GPC6: variants seen among roughly 807,000 people sequenced by gnomAD.
GPC6 encodes the protein glypican-6.
A neutral mutation model predicts 55.2 loss-of-function variants in GPC6; 14 were observed. The observed-to-expected ratio is 0.25, with a 90% CI of 0.17 to 0.40. GPC6 has a LOEUF of 0.40. GPC6 is among the 10% of genes least tolerant of loss of function. GPC6 has a pLI of 1.00. For synonymous variants in GPC6, 278 were observed against 259.6 expected (o/e 1.07, Z -0.68); for missense variants, 641 against 708.5 (o/e 0.90, Z 1.08).
intron 4 of GPC6, among the ~76,000 whole-genome samples, chr13:94,057,581 A>G (rs1170429244): frequency 6.6e-6 from 1 of 152,220 alleles, no homozygotes. Flanking sequence ...GTTCTCCATT[A>G]TTGGGAAATA....
chr13:93,778,420 T>C (rs1885534842), intron 2 of GPC6, among the ~76,000 whole-genome samples: 1 of 152,134 alleles, frequency 6.6e-6, no homozygotes, highest in African/African-American at 2.4e-5. Flanking sequence ...GCAAATACAC[T>C]CACTAACTTG....
At chr13:93,776,548 G>T (rs1332130746) in intron 2 of GPC6, among the ~76,000 whole-genome samples, 1 of 151,642 alleles carries the variant, frequency 6.6e-6, no homozygotes, top group Non-Finnish European at 1.5e-5. Context: ...ATATGATCCG[G>T]ATCCATCAAT....
chr13:93,789,645 A>ATATG (rs1885964010), intron 2 of GPC6, among the ~76,000 whole-genome samples: 1 of 103,508 alleles, frequency 9.7e-6, no homozygotes, highest in East Asian at 3.0e-4. Flanking sequence ...ATATATATAT[A>ATATG]GTATTCGGTT....
intron 4 of GPC6, among the ~76,000 whole-genome samples, chr13:94,033,852 CTACTT>C (rs1304067462): frequency 2.0e-5 from 3 of 152,126 alleles, no homozygotes; most frequent in African/African-American, 7.2e-5. Flanking sequence ...TTCTTCATCT[CTACTT>C]TATGTAATAC....
At chr13:93,461,598 T>C (rs893770251) in intron 1 of GPC6, among the ~76,000 whole-genome samples, 3 of 129,270 alleles carry the variant, frequency 2.3e-5, no homozygotes, top group African/African-American at 6.0e-5. Context: ...TTCTAAATCA[T>C]AGGAAATCTA....
intron 3 of GPC6, among the ~76,000 whole-genome samples, chr13:94,006,483 T>C (rs1239202316): frequency 6.6e-6 from 1 of 152,168 alleles, no homozygotes; most frequent in Non-Finnish European, 1.5e-5. Flanking sequence ...GGCAAGAATG[T>C]GGTGTGTGTC....
chr13:93,307,144 A>G (rs1364810865), intron 1 of GPC6, among the ~76,000 whole-genome samples: 2 of 152,116 alleles, frequency 1.3e-5, no homozygotes, highest in Non-Finnish European at 2.9e-5. Flanking sequence ...TCGACTATTC[A>G]TTCTGAATTG....
intron 3 of GPC6, among the ~76,000 whole-genome samples, chr13:93,873,621 A>G (rs2140303516): frequency 6.6e-6 from 1 of 152,032 alleles, no homozygotes; most frequent in South Asian, 2.1e-4. Context: ...CCACCTGTCA[A>G]TAGTGCACAC....
intron 2 of GPC6, among the ~76,000 whole-genome samples, chr13:93,671,679 C>G (rs758176161): frequency 5.0e-4 from 76 of 151,992 alleles, no homozygotes; most frequent in Non-Finnish European, 5.6e-4. Flanking sequence ...GCCCTCTCTC[C>G]TCACTTCTCA....
At chr13:93,787,286 G>A (rs551958460) in intron 2 of GPC6, among the ~76,000 whole-genome samples, 15 of 152,268 alleles carry the variant, frequency 9.9e-5, no homozygotes, top group African/African-American at 3.4e-4. Context: ...AGAGCAGAGG[G>A]TAAATATTTT....
At chr13:94,055,826 A>G (rs1173040915) in intron 4 of GPC6, among the ~76,000 whole-genome samples, 5 of 152,214 alleles carry the variant, frequency 3.3e-5, no homozygotes, top group Non-Finnish European at 5.9e-5. Flanking sequence ...AAATAGCCAT[A>G]GCTACACAGA....
intron 1 of GPC6, among the ~76,000 whole-genome samples, chr13:93,253,702 A>T (rs963210009): frequency 1.3e-5 from 2 of 152,174 alleles, no homozygotes; most frequent in Non-Finnish European, 2.9e-5. Flanking sequence ...TGGAGGCTAC[A>T]TTCCTCTCTT....
intron 1 of GPC6, among the ~76,000 whole-genome samples, chr13:93,448,970 A>G (rs890923782): frequency 3.3e-5 from 5 of 152,256 alleles, no homozygotes; most frequent in Admixed American, 6.5e-5. Context: ...TCTACTACAT[A>G]TAGAAAGGTA....
chr13:93,374,655 C>G (rs1874811629), intron 1 of GPC6, among the ~76,000 whole-genome samples: 1 of 152,104 alleles, frequency 6.6e-6, no homozygotes, highest in Non-Finnish European at 1.5e-5. Context: ...CTTTCAAAGT[C>G]CTTCTACTAT....
At chr13:93,977,029 G>A (rs145891208) in intron 3 of GPC6, among the ~76,000 whole-genome samples, 8 of 151,978 alleles carry the variant, frequency 5.3e-5, no homozygotes, top group South Asian at 4.2e-4. Flanking sequence ...AAGTGATGAC[G>A]GCTCCTAGCC....
chr13:93,800,682 G>C (rs2138936764), intron 2 of GPC6, among the ~76,000 whole-genome samples: 1 of 152,262 alleles, frequency 6.6e-6, no homozygotes, highest in Non-Finnish European at 1.5e-5. Flanking sequence ...CTATAAAACT[G>C]ATTATGTTTT....
chr13:93,217,888 T>G, the GPC6 span, among the ~76,000 whole-genome samples: 1 of 152,202 alleles, frequency 6.6e-6, no homozygotes, highest in Admixed American at 6.5e-5. Flanking sequence ...ACTAGGGTGT[T>G]GTGAAGCCCA....
intron 1 of GPC6, among the ~76,000 whole-genome samples, chr13:93,366,884 C>A (rs1199541031): frequency 6.6e-6 from 1 of 151,974 alleles, no homozygotes; most frequent in African/African-American, 2.4e-5. Flanking sequence ...TTCTAAACTC[C>A]TAGTCTGTTT....
chr13:93,776,499 T>C (rs1264341582), intron 2 of GPC6, among the ~76,000 whole-genome samples: 1 of 152,132 alleles, frequency 6.6e-6, no homozygotes, highest in Non-Finnish European at 1.5e-5. Flanking sequence ...CCATAGCATC[T>C]TCTTTTGAAA....
Sources: gnomAD v4.1 joint callset for allele counts (sites outside exome capture counted in the v4.1 genomes callset) on GRCh38, gnomAD v4.1.1 for gene constraint, MANE v1.5 for transcripts, NCBI Gene and HGNC (gene_info 2026-07-23, HGNC 2026-07-21) for gene names.